Variants in SH3BGRL2 observed in about 807,000 individuals in gnomAD.
SH3BGRL2 encodes SH3 domain binding glutamate rich protein like 2, also known as SH3 domain-binding glutamic acid-rich-like protein 2.
A neutral mutation model predicts 14.8 loss-of-function variants in SH3BGRL2; 21 were observed. That is an observed-to-expected ratio of 1.42 (90% CI 1.01 to 2.05). The LOEUF is 2.05. Among genes scored for constraint, SH3BGRL2 ranks in the 30% most tolerant of loss-of-function variants. The probability of loss-of-function intolerance (pLI) is 0.00; values close to 1 mark genes in which losing one functional copy is unlikely to be tolerated. For missense variants in SH3BGRL2, 147 were observed against 130.8 expected, an observed-to-expected ratio of 1.12 and a Z score of -0.61; for synonymous variants, 50 against 47.8, an observed-to-expected ratio of 1.05 and a Z score of -0.19.
intron 2 of SH3BGRL2, among the ~76,000 whole-genome samples, chr6:79,677,004 G>A (rs1240533757): frequency 6.6e-6 from 1 of 152,140 alleles, no homozygotes; most frequent in African/African-American, 2.4e-5. Flanking sequence ...GGTCACGACA[G>A]CTATTGGCGT....
At chr6:79,601,427 C>T in the SH3BGRL2 span, among the ~76,000 whole-genome samples, 2 of 152,184 alleles carry the variant, frequency 1.3e-5, no homozygotes, top group Admixed American at 1.3e-4. Context: ...CACTCCTGGG[C>T]TCAAGTCATC....
intron 1 of SH3BGRL2, among the ~76,000 whole-genome samples, chr6:79,647,865 A>C (rs1769174868): frequency 6.6e-6 from 1 of 151,968 alleles, no homozygotes; most frequent in Non-Finnish European, 1.5e-5. Flanking sequence ...CAAATACATA[A>C]ATTTGATTTG....
At chr6:79,695,605 CTTA>C (rs1300823753) in intron 2 of SH3BGRL2, among the ~76,000 whole-genome samples, 1 of 152,190 alleles carries the variant, frequency 6.6e-6, no homozygotes, top group Non-Finnish European at 1.5e-5. Context: ...AGTTCTCTCA[CTTA>C]TTAGCTGTCA....
Position 79,701,919 on chromosome 6 carries a change from T to C in SH3BGRL2, c.*2410T>C, listed in dbSNP as rs1770465931. 1 of 152,654 alleles carries C rather than the reference T, an allele frequency of 6.6e-6. No homozygotes were observed. The highest frequency in any genetic ancestry group is 1.5e-5 in the Non-Finnish European group (1 of 68,048). The allele number at this position is 152,654 out of a possible 1,614,324, so 9.5% of individuals were successfully genotyped here. ...AAGAAGTGGATGGGAATTGTAGGCATAGATTTCATATCAAGGGCATTTCAA... is the reference window on the plus strand; with the variant it reads ...AAGAAGTGGATGGGAATTGTAGGCACAGATTTCATATCAAGGGCATTTCAA... On this transcript the variant is annotated 3_prime_UTR_variant, in exon 4 of 4. Transcript: ENST00000369838.
chr6:79,538,028 T>TG, the SH3BGRL2 span, among the ~76,000 whole-genome samples: 4 of 93,692 alleles, frequency 4.3e-5, no homozygotes, highest in African/African-American at 2.1e-4. Context: ...GTTTTTTTTT[T>TG]TTTTTTTTTT....
chr6:79,545,067 A>G, the SH3BGRL2 span, among the ~76,000 whole-genome samples: 2 of 152,322 alleles, frequency 1.3e-5, no homozygotes, highest in South Asian at 2.1e-4. Flanking sequence ...TGAAAGGTCA[A>G]TGTAAACAAA....
At chr6:79,602,685 G>A in the SH3BGRL2 span, among the ~76,000 whole-genome samples, 1 of 152,092 alleles carries the variant, frequency 6.6e-6, no homozygotes, top group Non-Finnish European at 1.5e-5. Context: ...TACCTATCTG[G>A]GCTTATGTGA....
At chr6:79,692,200 G>A (rs1369622109) in intron 2 of SH3BGRL2, among the ~76,000 whole-genome samples, 2 of 152,114 alleles carry the variant, frequency 1.3e-5, no homozygotes, top group African/African-American at 4.8e-5. Context: ...TTTTGATGGG[G>A]TTGTTTGTTT....
chr6:79,691,559 T>C (rs1410484996), intron 2 of SH3BGRL2, among the ~76,000 whole-genome samples: 1 of 141,524 alleles, frequency 7.1e-6, no homozygotes, highest in Non-Finnish European at 1.5e-5. Flanking sequence ...CCTGTGTCCA[T>C]GTGTTCTCAT....
At chr6:79,693,235 T>G (rs984722580) in intron 2 of SH3BGRL2, among the ~76,000 whole-genome samples, 1 of 152,238 alleles carries the variant, frequency 6.6e-6, no homozygotes, top group African/African-American at 2.4e-5. Flanking sequence ...TGAAGTTGCT[T>G]ATCAGCTGAA....
chr6:79,598,788 A>G, the SH3BGRL2 span, among the ~76,000 whole-genome samples: 1 of 152,228 alleles, frequency 6.6e-6, no homozygotes, highest in African/African-American at 2.4e-5. Context: ...AAAAATAAAA[A>G]GTGCTCAACC....
the SH3BGRL2 span, among the ~76,000 whole-genome samples, chr6:79,565,199 T>C: frequency 6.6e-6 from 1 of 152,194 alleles, no homozygotes; most frequent in South Asian, 2.1e-4. Context: ...TGAATTTCAG[T>C]ATTAATCTCC....
At chr6:79,606,143 C>T in the SH3BGRL2 span, among the ~76,000 whole-genome samples, 34,241 of 151,948 alleles carry the variant, frequency 0.23, 4,140 homozygotes, top group African/African-American at 0.29. Flanking sequence ...ACTAAGGAAG[C>T]ACTCCCAAGC....
chr6:79,607,680 C>T, the SH3BGRL2 span, among the ~76,000 whole-genome samples: 1 of 152,246 alleles, frequency 6.6e-6, no homozygotes, highest in East Asian at 1.9e-4. Context: ...CACGGTGGCT[C>T]ACGCCTGTAA....
chr6:79,639,708 A>T (rs1768994637), intron 1 of SH3BGRL2, among the ~76,000 whole-genome samples: 1 of 152,200 alleles, frequency 6.6e-6, no homozygotes, highest in Admixed American at 6.5e-5. Flanking sequence ...GTTTTTAAAA[A>T]AATCACCCTC....
chr6:79,623,692 T>C, the SH3BGRL2 span, among the ~76,000 whole-genome samples: 3 of 152,102 alleles, frequency 2.0e-5, no homozygotes, highest in African/African-American at 7.2e-5. Flanking sequence ...TCAGGAAAAA[T>C]TTGAGAAATT....
chr6:79,668,189 G>A (rs768346565), intron 1 of SH3BGRL2, among the ~76,000 whole-genome samples: 5 of 152,212 alleles, frequency 3.3e-5, no homozygotes, highest in Admixed American at 1.3e-4. Flanking sequence ...GGATCCTCCC[G>A]GGAAAGAAGT....
At chr6:79,549,075 C>CT in the SH3BGRL2 span, among the ~76,000 whole-genome samples, 1 of 152,220 alleles carries the variant, frequency 6.6e-6, no homozygotes, top group South Asian at 2.1e-4. Flanking sequence ...TTCTAATCCT[C>CT]TGTTTCCCAA....
At chr6:79,597,004 T>C in the SH3BGRL2 span, among the ~76,000 whole-genome samples, 2 of 151,800 alleles carry the variant, frequency 1.3e-5, no homozygotes, top group African/African-American at 4.8e-5. Context: ...CCGAGGCGGG[T>C]GGATCCAGTG....
Sources: allele counts gnomAD v4.1 joint callset (sites outside exome capture counted in the v4.1 genomes callset), GRCh38; gene constraint gnomAD v4.1.1; transcripts MANE v1.5; gene names NCBI Gene and HGNC (gene_info 2026-07-23, HGNC 2026-07-21).